The following CTNNA2 variants were observed in gnomAD, a reference collection of about 807,000 sequenced individuals.
CTNNA2 encodes catenin alpha-2.
Under a neutral mutation model 101.0 loss-of-function variants are expected in CTNNA2, and 42 were observed. The observed-to-expected ratio is 0.42, with a 90% CI of 0.32 to 0.54. CTNNA2 has a LOEUF of 0.54. Among genes scored for constraint, CTNNA2 ranks in the 20% least tolerant of loss-of-function variants. The pLI, the probability that CTNNA2 is intolerant of heterozygous loss-of-function variation, is 0.14. For synonymous variants in CTNNA2, 450 were observed against 456.4 expected (o/e 0.99, Z 0.18); for missense variants, 871 against 1,223.1 (o/e 0.71, Z 4.29).
chr2:80,360,265 C>A (rs1282410880), intron 7 of CTNNA2, among the ~76,000 whole-genome samples: 1 of 152,098 alleles, frequency 6.6e-6, no homozygotes, highest in African/African-American at 2.4e-5. Context: ...AAGTAACACA[C>A]AACTGATCAA....
intron 4 of CTNNA2, among the ~76,000 whole-genome samples, chr2:79,868,628 T>G (rs565410892): frequency 6.6e-6 from 1 of 152,368 alleles, no homozygotes; most frequent in South Asian, 2.1e-4. Flanking sequence ...TGTCAAACAA[T>G]GCACTGTCTA....
intron 2 of CTNNA2, among the ~76,000 whole-genome samples, chr2:79,684,078 G>A (rs973711778): frequency 3.9e-5 from 6 of 152,098 alleles, no homozygotes; most frequent in Non-Finnish European, 8.8e-5. Context: ...AGCTGGACAG[G>A]ATGTAGTGAA....
intron 9 of CTNNA2, among the ~76,000 whole-genome samples, chr2:80,474,801 C>T (rs1026939689): frequency 2.6e-5 from 4 of 152,032 alleles, no homozygotes; most frequent in Non-Finnish European, 1.5e-5. Flanking sequence ...AGAAATAAAA[C>T]CGTGGTAGAA....
intron 1 of CTNNA2, among the ~76,000 whole-genome samples, chr2:79,516,216 T>TG (rs1671799603): frequency 6.6e-6 from 1 of 152,212 alleles, no homozygotes; most frequent in African/African-American, 2.4e-5. Context: ...TTAAATGTGT[T>TG]TAGCTCAGTA....
intron 2 of CTNNA2, among the ~76,000 whole-genome samples, chr2:79,726,162 A>G (rs1686825744): frequency 6.6e-6 from 1 of 152,182 alleles, no homozygotes; most frequent in South Asian, 2.1e-4. Flanking sequence ...AAACACTGAA[A>G]TGGACTTCTG....
intron 9 of CTNNA2, among the ~76,000 whole-genome samples, chr2:80,450,698 C>T (rs902271948): frequency 1.3e-5 from 2 of 152,084 alleles, no homozygotes; most frequent in African/African-American, 4.8e-5. Flanking sequence ...CTTGAATCTC[C>T]AGTTTCCAAG....
intron 3 of CTNNA2, among the ~76,000 whole-genome samples, chr2:79,798,191 T>A (rs1436272474): frequency 6.6e-6 from 1 of 152,198 alleles, no homozygotes; most frequent in Non-Finnish European, 1.5e-5. Context: ...ATTCTGAATT[T>A]GTGGCCTAGT....
intron 1 of CTNNA2, among the ~76,000 whole-genome samples, chr2:79,578,723 G>A (rs192903666): frequency 2.0e-4 from 31 of 152,130 alleles, no homozygotes; most frequent in East Asian, 3.9e-4. Flanking sequence ...TTCTGTTTCC[G>A]GGGCCTGTTT....
At chr2:80,612,958 A>G (rs1316845617) in intron 17 of CTNNA2, 1 of 151,500 alleles carries the variant, frequency 6.6e-6, no homozygotes, top group Non-Finnish European at 1.5e-5. Flanking sequence ...TGCTTAAAGG[A>G]CCTTCCCTTA....
chr2:79,694,542 G>GTT lies in CTNNA2; in HGVS notation c.102+42893_102+42894dup, dbSNP rs138970422. On this transcript the variant is annotated intron_variant, in intron 2 of 18. Transcript: ENST00000402739. The stretch of plus-strand genomic sequence containing the variant: ...CTTAGTATTTAAGTTTCATTTCTGT[G>GTT]TTTTTTTTTTAACATTGGAAAATAA... 4.1e-5 allele frequency among the ~76,000 whole-genome samples: 6 copies of GTT among 148,034 alleles called. No homozygotes were observed. The East Asian group carries it at 7.9e-4, about 19-fold the overall frequency.
intron 7 of CTNNA2, among the ~76,000 whole-genome samples, chr2:80,271,365 T>A (rs1673454351): frequency 1.3e-5 from 2 of 152,060 alleles, no homozygotes; most frequent in Non-Finnish European, 2.9e-5. Flanking sequence ...AAGAAGGATC[T>A]TCCAGTCTTC....
chr2:79,495,925 A>G (rs1026001984), intron 4 of CTNNA2, among the ~76,000 whole-genome samples: 2 of 152,082 alleles, frequency 1.3e-5, no homozygotes, highest in Admixed American at 1.3e-4. Context: ...CTATATAGAG[A>G]TAGAAACTAG....
chr2:79,613,699 T>G (rs1678439465), intron 1 of CTNNA2, among the ~76,000 whole-genome samples: 1 of 152,176 alleles, frequency 6.6e-6, no homozygotes, highest in South Asian at 2.1e-4. Flanking sequence ...TTTAAAAATA[T>G]TTTTAGAGAC....
At chr2:80,131,972 T>G (rs1332527461) in intron 7 of CTNNA2, among the ~76,000 whole-genome samples, 5 of 151,962 alleles carry the variant, frequency 3.3e-5, no homozygotes, top group Admixed American at 3.3e-4. Flanking sequence ...TCCTAGCTAC[T>G]CGGGAGGCTG....
At position 79,593,409 on chromosome 2, in the gene CTNNA2, A is replaced by G. The variant is rs550111274; in HGVS notation, c.-5-58143A>G. ...ATGGAACAGTCCTCAGTTAATATGT[A>G]ACTCTTAACACTAGATTTTCTAAGC... On this transcript the variant is annotated intron_variant, in intron 1 of 18. Coordinates refer to ENST00000402739, the MANE Select transcript of CTNNA2 (RefSeq NM_001282597.3). Among the ~76,000 whole-genome samples, 3 of 152,346 alleles carry G rather than the reference A, an allele frequency of 2.0e-5. No individual in the cohort carries two copies. In the East Asian group the frequency reaches 5.8e-4, roughly 29 times the overall value.
chr2:80,307,434 T>G (rs1301106092), intron 7 of CTNNA2, among the ~76,000 whole-genome samples: 1 of 152,146 alleles, frequency 6.6e-6, no homozygotes, highest in East Asian at 1.9e-4. Flanking sequence ...TTCATGAGTT[T>G]TAATTTCATG....
chr2:79,651,157 T>C (rs1253968533), intron 1 of CTNNA2, among the ~76,000 whole-genome samples: 1 of 152,262 alleles, frequency 6.6e-6, no homozygotes, highest in East Asian at 1.9e-4. Flanking sequence ...TCACAACATG[T>C]GTCACACTGA....
intron 1 of CTNNA2, among the ~76,000 whole-genome samples, chr2:79,523,005 C>T (rs1021498647): frequency 2.6e-5 from 4 of 152,074 alleles, no homozygotes; most frequent in African/African-American, 7.2e-5. Context: ...ATTTCTTTCC[C>T]CCCGTGAGTA....
intron 7 of CTNNA2, among the ~76,000 whole-genome samples, chr2:80,197,547 G>C (rs1235304551): frequency 2.6e-5 from 4 of 152,150 alleles, no homozygotes; most frequent in African/African-American, 7.2e-5. Context: ...AACTAGTCAT[G>C]ATGAAGCCAG....
Sources: gnomAD v4.1 joint callset for allele counts (sites outside exome capture counted in the v4.1 genomes callset) on GRCh38, gnomAD v4.1.1 for gene constraint, MANE v1.5 for transcripts, NCBI Gene and HGNC (gene_info 2026-07-23, HGNC 2026-07-21) for gene names.